Variants in PCNX3 observed in about 807,000 individuals in gnomAD.
The protein encoded by PCNX3 is pecanex-like protein 3.
A neutral mutation model predicts 207.2 loss-of-function variants in PCNX3; 58 were observed. The observed-to-expected ratio is 0.28, with a 90% confidence interval of 0.23 to 0.35. The LOEUF is 0.35. Ranked by LOEUF, PCNX3 falls within the 10% of genes least tolerant of loss-of-function variation. PCNX3 has a pLI of 1.00. For synonymous variants in PCNX3, 1,337 were observed against 1,183.5 expected, an observed-to-expected ratio of 1.13 and a Z score of -2.66; for missense variants, 2,410 against 2,774.4, an observed-to-expected ratio of 0.87 and a Z score of 2.95.
chr11:65,616,713 G>A (rs942971060), intron 1 of PCNX3, 111 bp from the exon 2 acceptor site: 50 of 1,227,478 alleles, frequency 4.1e-5, no homozygotes, highest in African/African-American at 1.2e-4. Context: ...GTGTGGAGAG[G>A]TGATGAAATT....
Position 65,625,821 on chromosome 11 carries a change from C to A in PCNX3, c.3228+77C>A. The A allele has an allele frequency of 1.3e-6, 2 of 1,594,868 alleles. No homozygotes were observed. The highest frequency in any genetic ancestry group is 1.7e-6 in the Non-Finnish European group (2 of 1,170,158). On this transcript the variant is annotated intron_variant, in intron 19 of 34. Transcript: ENST00000355703. The surrounding 1 kb of genome is among the most constrained non-coding windows in gnomAD (Gnocchi z 5.6). Reference sequence around the variant, plus strand: ...CTCAATCTGAGTGCCGTGGGCAGCCCCTCCCCGGCCTGTGCCAGGTGGCCC... The same window carrying A: ...CTCAATCTGAGTGCCGTGGGCAGCCACTCCCCGGCCTGTGCCAGGTGGCCC...
intron 15 of PCNX3, 112 bp downstream of exon 15, chr11:65,624,693 C>G: frequency 9.4e-7 from 1 of 1,067,734 alleles, no homozygotes; most frequent in Admixed American, 2.3e-5. Context: ...GTCTGTACTG[C>G]AGACTCAAGG....
chr11:65,617,869 A>T (rs1590868202), intron 5 of PCNX3, 71 bp from the exon 6 acceptor site: 1 of 1,467,474 alleles, frequency 6.8e-7, no homozygotes, highest in Non-Finnish European at 9.1e-7. Flanking sequence ...AGGGCATAAG[A>T]CCTCCCTTAA....
chr11:65,620,051 C>A, intron 8 of PCNX3, 119 bp downstream of exon 8: 2 of 1,126,564 alleles, frequency 1.8e-6, no homozygotes, highest in African/African-American at 1.6e-5. Context: ...TGCTGCCAGA[C>A]ATCATCCTTG....
chr11:65,629,501 C>T lies in PCNX3; in HGVS notation c.4001-19C>T, dbSNP rs775074735. 1.5e-5 allele frequency: 25 copies of T among 1,612,988 alleles called. No individual in the cohort carries two copies. The highest frequency in any genetic ancestry group is 1.0e-4 in the Admixed American group (6 of 59,912). ...TAACTTGTCACTTTGTCCATTTGCC[C>T]GTCTGTTCTGGGTCTTAGGCGCTGA... On this transcript the variant is annotated intron_variant, in intron 25 of 34. Transcript: ENST00000355703.
At position 65,617,244 on chromosome 11, in the gene PCNX3, C is replaced by T. The variant is rs187366426; in HGVS notation, c.342-6C>T. On this transcript the variant is annotated splice_region_variant and splice_polypyrimidine_tract_variant and intron_variant, in intron 2 of 34. Transcript: ENST00000355703. ...GCTCAAAGCTGCTGCTCTTTTTCAC[C>T]GCCAGGGACCCCGGAGTGGAGATGA... 293 of 1,596,556 alleles carry T rather than the reference C, an allele frequency of 1.8e-4. No homozygotes were observed. Among genetic ancestry groups the T allele is most frequent in the Non-Finnish European group, 2.3e-4 (266 of 1,171,706 alleles).
chr11:65,617,781 T>G, intron 5 of PCNX3, 75 bp downstream of exon 5: 8 of 1,521,496 alleles, frequency 5.3e-6, no homozygotes, highest in Non-Finnish European at 7.1e-6. Flanking sequence ...CAACTTTGGC[T>G]CCATCCTGGG....
Position 65,637,259 on chromosome 11 carries a change from G to C in PCNX3, c.*281G>C. 1 of 487,044 alleles carries C rather than the reference G, an allele frequency of 2.1e-6. No individual in the cohort carries two copies. Among genetic ancestry groups the C allele is most frequent in the South Asian group, 2.7e-5 (1 of 36,440 alleles). 30.2% of individuals were successfully genotyped at this position (487,044 alleles called of 1,614,324 possible). ...CATGGGCTGGTCCCACTTGGAGCCT[G>C]TGGCCAGGACCACCTCAGCCCCTGG... On this transcript the variant is annotated 3_prime_UTR_variant, in exon 35 of 35. Coordinates refer to ENST00000355703, the MANE Select transcript of PCNX3 (RefSeq NM_032223.4).
chr11:65,623,071 T>C lies in PCNX3; in HGVS notation c.2358-420T>C, dbSNP rs564702845. Among the ~76,000 whole-genome samples, 3 of 152,278 alleles carry C rather than the reference T, an allele frequency of 2.0e-5. No homozygotes were observed. In the South Asian group the frequency reaches 6.2e-4, roughly 32 times the overall value. ...TGACTTCTACCCAGTGTAGAGAACTTGGGCCTAGAGCCCATGTGGCTTCCC... is the reference window on the plus strand; with the variant it reads ...TGACTTCTACCCAGTGTAGAGAACTCGGGCCTAGAGCCCATGTGGCTTCCC... On this transcript the variant is annotated intron_variant, in intron 11 of 34. Coordinates refer to ENST00000355703, the MANE Select transcript of PCNX3 (RefSeq NM_032223.4).
At chr11:65,619,135 A>G in intron 6 of PCNX3, 68 bp downstream of exon 6, 1 of 1,288,792 alleles carries the variant, frequency 7.8e-7, no homozygotes, top group Admixed American at 2.0e-5. Flanking sequence ...GGCAAAGGGC[A>G]GGTAAGAATG....
Position 65,618,066 on chromosome 11 carries a change from C to T in PCNX3, c.704C>T (p.Thr235Ile). ...APWSGSSMADTPMSPLLKGSL... is the reference protein window; with the variant it reads ...APWSGSSMADIPMSPLLKGSL... Reference sequence around the variant, plus strand: ...TGGAGTGGGAGCAGCATGGCTGACACTCCCATGAGCCCCCTGCTGAAGGGG... The same window carrying T: ...TGGAGTGGGAGCAGCATGGCTGACATTCCCATGAGCCCCCTGCTGAAGGGG... Residue 235 changes from threonine (T) to isoleucine (I), a missense_variant, in exon 6 of 35, where the codon ACT becomes ATT. By Grantham distance (89) the Thr-to-Ile change is moderately conservative (BLOSUM62 -1). This residue lies in a region of PCNX3 where 1,104 missense variants were observed against 970.3 expected (regional missense o/e 1.14). Transcript: ENST00000355703. 6.2e-7 allele frequency: 1 copy of T among 1,607,406 alleles called. No individual in the cohort carries two copies. Among genetic ancestry groups the T allele is most frequent in the Non-Finnish European group, 8.5e-7 (1 of 1,177,434 alleles).
intron 12 of PCNX3, 122 bp downstream of exon 12, chr11:65,623,766 G>A: frequency 6.6e-7 from 1 of 1,522,736 alleles, no homozygotes; most frequent in South Asian, 1.2e-5. Context: ...GTTCCCTAGA[G>A]CTGGCCAGCT....
intron 20 of PCNX3, chr11:65,626,560 C>A (rs956776008): frequency 2.3e-6 from 1 of 434,736 alleles, no homozygotes; most frequent in Admixed American, 3.6e-5. Context: ...CCAGCCTGAA[C>A]CGAGGGGTCT....
In PCNX3 at chr11:65,635,516, G is replaced by A. The variant is rs376616460; in HGVS notation, c.5185-13G>A. 3.0e-5 allele frequency: 48 copies of A among 1,609,050 alleles called. No individual in the cohort carries two copies. The highest frequency in any genetic ancestry group is 6.7e-5 in the Admixed American group (4 of 59,918). Reference sequence around the variant, plus strand: ...CTTGGGCCGGCCCCCTGACCCTGGCGTGTGGCTCTCAGGTGAACCGGGAGT... The same window carrying A: ...CTTGGGCCGGCCCCCTGACCCTGGCATGTGGCTCTCAGGTGAACCGGGAGT... On this transcript the variant is annotated splice_polypyrimidine_tract_variant and intron_variant, in intron 31 of 34. Coordinates refer to ENST00000355703, the MANE Select transcript of PCNX3 (RefSeq NM_032223.4). This position sits in a 1 kb window ranked among gnomAD's most constrained non-coding sequence, Gnocchi z 9.9.
At position 65,626,973 on chromosome 11, in the gene PCNX3, AC is replaced by A; in HGVS notation, c.3453del (p.Ala1152ProfsTer29). ...CAGTGCGTAGAGAAGTACCTCATCT[AC>A]CCCGCCGTGGTGCTCAACGCCCTCA... Reference protein sequence around the residue: ...GLQCVEKYLIYPAVVLNALTV... With the variant: ...GLQCVEKYLIXPAVVLNALTV... On this transcript the variant is annotated frameshift_variant, in exon 21 of 35. Coordinates refer to ENST00000355703, the MANE Select transcript of PCNX3 (RefSeq NM_032223.4). LOFTEE classifies it high-confidence loss of function. The A allele has an allele frequency of 6.4e-7, 1 of 1,553,472 alleles. No individual in the cohort carries two copies. The highest frequency in any genetic ancestry group is 8.7e-7 in the Non-Finnish European group (1 of 1,149,860).
In PCNX3 at chr11:65,636,625, G is replaced by A; in HGVS notation, c.5828G>A (p.Gly1943Glu). 6.3e-7 allele frequency: 1 copy of A among 1,586,894 alleles called. No homozygotes were observed. Among genetic ancestry groups the A allele is most frequent in the Non-Finnish European group, 8.6e-7 (1 of 1,168,914 alleles). ...AAGTGGAGCCTGGGGGGCCGGAAGG[G>A]GCTGGGAGGATCTGACGGGGAGCCA... Reference protein sequence around the residue: ...SGKWSLGGRKGLGGSDGEPAS... With the variant: ...SGKWSLGGRKELGGSDGEPAS... The change falls in exon 34 of 35, where the codon GGG (glycine) becomes GAG (glutamate). Residue 1943 changes from glycine to glutamate, a missense_variant. Around this residue, in one of 8 missense-constraint regions of PCNX3, gnomAD observed 278 missense variants for 245.1 expected, o/e 1.13. Coordinates refer to ENST00000355703, the MANE Select transcript of PCNX3 (RefSeq NM_032223.4).
chr11:65,624,906 ACTT>A lies in PCNX3; in HGVS notation c.2828-16_2828-14del. The A allele has an allele frequency of 1.9e-6, 3 of 1,598,696 alleles. No individual in the cohort carries two copies. Among genetic ancestry groups the A allele is most frequent in the Non-Finnish European group, 2.6e-6 (3 of 1,174,604 alleles). On this transcript the variant is annotated splice_polypyrimidine_tract_variant and intron_variant, in intron 15 of 34. Coordinates refer to ENST00000355703, the MANE Select transcript of PCNX3 (RefSeq NM_032223.4). ...TACCTGCAAGTGAGAGCTGGGCTGT[ACTT>A]CTCCCTTCCACACAGCTGCCACCAG... is the stretch of plus-strand genomic sequence containing the variant.
rs745982622 is a variant in PCNX3 at position 65,618,471 on chromosome 11, C to T, written c.1109C>T (p.Thr370Met). Residue 370 changes from threonine to methionine, a missense_variant, in exon 6 of 35, where the codon ACG becomes ATG. Physicochemically the swap from Thr to Met is moderately conservative, Grantham distance 81. Around this residue, in one of 8 missense-constraint regions of PCNX3, gnomAD observed 1,104 missense variants for 970.3 expected, o/e 1.14. Transcript: ENST00000355703. The part of the protein sequence containing the change: ...RSFDTVIGAG[T>M]PPGLAEPLLV... ...TTTGACACGGTCATTGGAGCAGGGA[C>T]GCCACCGGGCCTGGCTGAGCCGCTC... 128 of 1,608,618 alleles carry T rather than the reference C, an allele frequency of 8.0e-5. No individual in the cohort carries two copies. The highest frequency in any genetic ancestry group is 1.6e-4 in the Middle Eastern group (1 of 6,078).
intron 29 of PCNX3, 148 bp downstream of exon 29, chr11:65,634,789 C>A (rs1002353443): frequency 8.4e-7 from 1 of 1,194,406 alleles, no homozygotes. Flanking sequence ...CAGGGCACTT[C>A]CTGGTCATGA....
Sources: allele counts gnomAD v4.1 joint callset (sites outside exome capture counted in the v4.1 genomes callset), GRCh38; gene constraint gnomAD v4.1.1; regional missense constraint gnomAD v4.1.1; non-coding constraint Gnocchi (gnomAD v3.1); transcripts MANE v1.5; gene names NCBI Gene and HGNC (gene_info 2026-07-23, HGNC 2026-07-21).